Variants in CELF2 observed in about 807,000 individuals in gnomAD.
The protein encoded by CELF2 is CUG triplet repeat RNA-binding protein 2.
Under a neutral mutation model 62.6 loss-of-function variants are expected in CELF2, and 8 were observed. That is an observed-to-expected ratio of 0.13 (90% CI 0.07 to 0.23). The LOEUF is 0.23. Among genes scored for constraint, CELF2 ranks in the 10% least tolerant of loss-of-function variants. The pLI is 1.00. For missense variants in CELF2, 333 were observed against 671.0 expected (o/e 0.50, Z 5.56); for synonymous variants, 258 against 250.0 (o/e 1.03, Z -0.30).
chr10:11,127,217 C>T (rs2058855116), intron 1 of CELF2, among the ~76,000 whole-genome samples: 3 of 152,154 alleles, frequency 2.0e-5, no homozygotes, highest in African/African-American at 7.2e-5. Context: ...CTGTAAAGGA[C>T]ATGAACTCAT....
chr10:10,818,874 A>G (rs1564665139), intron 1 of CELF2, among the ~76,000 whole-genome samples: 2 of 152,162 alleles, frequency 1.3e-5, no homozygotes. Context: ...CACCATGCCC[A>G]GACAGCGTGG....
At chr10:10,818,542 T>C (rs2056684704) in intron 1 of CELF2, among the ~76,000 whole-genome samples, 1 of 131,536 alleles carries the variant, frequency 7.6e-6, no homozygotes, top group Admixed American at 9.0e-5. Flanking sequence ...GCATTAAATA[T>C]TTCCTTTTTT....
At chr10:10,771,762 A>G in the CELF2 span, among the ~76,000 whole-genome samples, 21,041 of 152,174 alleles carry the variant, frequency 0.14, 1,836 homozygotes, top group East Asian at 0.31. Context: ...AGTGGAAACT[A>G]TAAGTCCAAT....
At chr10:11,266,770 A>G (rs1249046567) in intron 6 of CELF2, 93 bp downstream of exon 6, 3 of 914,834 alleles carry the variant, frequency 3.3e-6, no homozygotes, top group Admixed American at 4.6e-5. Flanking sequence ...TCACATGACA[A>G]TCACAGATGT....
At chr10:10,474,798 A>ACT in the CELF2 span, among the ~76,000 whole-genome samples, 1 of 152,000 alleles carries the variant, frequency 6.6e-6, no homozygotes, top group Admixed American at 6.6e-5. Flanking sequence ...AGTAGACTGT[A>ACT]CTCTCTCTAC....
At chr10:10,645,269 C>T in the CELF2 span, among the ~76,000 whole-genome samples, 2 of 152,108 alleles carry the variant, frequency 1.3e-5, no homozygotes, top group African/African-American at 2.4e-5. Flanking sequence ...GGATTGTTGG[C>T]AATTCTGTAC....
intron 1 of CELF2, among the ~76,000 whole-genome samples, chr10:11,033,773 G>C (rs1327661337): frequency 3.9e-5 from 6 of 152,228 alleles, no homozygotes; most frequent in Non-Finnish European, 1.5e-5. Context: ...TGTAAATACA[G>C]TGTGAGTCAG....
chr10:11,222,998 TC>T (rs2136103620), intron 3 of CELF2, among the ~76,000 whole-genome samples: 1 of 152,304 alleles, frequency 6.6e-6, no homozygotes, highest in East Asian at 1.9e-4. Context: ...AAAGTTAAAG[TC>T]CTCCCCGTTC....
chr10:11,197,028 A>AAGGAAGGAAGGAAGGAAGGAAG (rs1565231131), intron 2 of CELF2, among the ~76,000 whole-genome samples: 3 of 20,970 alleles, frequency 1.4e-4, no homozygotes, highest in African/African-American at 1.2e-3. Context: ...AAGAAAGAAA[A>AAGGAAGGAAGGAAGGAAGGAAG]GAAAGAAAGA....
intron 1 of CELF2, among the ~76,000 whole-genome samples, chr10:11,097,663 T>G (rs1463117604): frequency 6.6e-6 from 1 of 152,214 alleles, no homozygotes; most frequent in Non-Finnish European, 1.5e-5. Flanking sequence ...TCTCTATTCT[T>G]TGTCACCAAG....
At chr10:10,486,319 G>A in the CELF2 span, among the ~76,000 whole-genome samples, 1 of 152,248 alleles carries the variant, frequency 6.6e-6, no homozygotes, top group South Asian at 2.1e-4. Context: ...ACATAGAAAG[G>A]CTTAGAAACT....
chr10:10,644,950 G>A, the CELF2 span, among the ~76,000 whole-genome samples: 7 of 152,128 alleles, frequency 4.6e-5, no homozygotes, highest in African/African-American at 1.4e-4. Context: ...ACAACTGTAC[G>A]TCAAGGCACT....
At chr10:10,696,612 C>G in the CELF2 span, among the ~76,000 whole-genome samples, 1 of 151,988 alleles carries the variant, frequency 6.6e-6, no homozygotes, top group African/African-American at 2.4e-5. Context: ...CTCGCTGCGG[C>G]CTTGCAGTTT....
intron 1 of CELF2, among the ~76,000 whole-genome samples, chr10:10,827,730 G>T (rs1047788606): frequency 9.2e-5 from 14 of 152,088 alleles, no homozygotes; most frequent in African/African-American, 3.4e-4. Context: ...TCATTGACTT[G>T]ATTTTTCTCT....
chr10:11,031,867 C>G (rs2060165714), intron 1 of CELF2, among the ~76,000 whole-genome samples: 1 of 152,130 alleles, frequency 6.6e-6, no homozygotes, highest in Non-Finnish European at 1.5e-5. Context: ...AACACTTTGT[C>G]AAAATGCTGG....
chr10:11,214,848 G>A lies in CELF2; in HGVS notation c.272-2577G>A. 6.6e-6 allele frequency among the ~76,000 whole-genome samples: 1 copy of A among 152,350 alleles called. No homozygotes were observed. Among genetic ancestry groups the A allele is most frequent in the African/African-American group, 2.4e-5 (1 of 41,586 alleles). On this transcript the variant is annotated intron_variant, in intron 2 of 12. Transcript: ENST00000633077. This position sits in a 1 kb window ranked among gnomAD's most constrained non-coding sequence, Gnocchi z 4.2. ...ATAAGTGACTGACTTCACCGTACTAGTTGTAAAGGCAGAGTGGACCTTGGA... is the reference window on the plus strand; with the variant it reads ...ATAAGTGACTGACTTCACCGTACTAATTGTAAAGGCAGAGTGGACCTTGGA...
chr10:11,310,677 A>G (rs532970824), intron 9 of CELF2, among the ~76,000 whole-genome samples: 32 of 151,964 alleles, frequency 2.1e-4, no homozygotes, highest in Non-Finnish European at 4.7e-4. Context: ...TTAACACGCT[A>G]CTTACTAGCG....
At chr10:10,724,430 C>T in the CELF2 span, among the ~76,000 whole-genome samples, 1 of 151,964 alleles carries the variant, frequency 6.6e-6, no homozygotes, top group Non-Finnish European at 1.5e-5. Context: ...CCAAAGCGGG[C>T]AGATCATGAG....
chr10:10,501,155 G>A, the CELF2 span, among the ~76,000 whole-genome samples: 1 of 152,166 alleles, frequency 6.6e-6, no homozygotes, highest in Non-Finnish European at 1.5e-5. Flanking sequence ...CAGGGTATTT[G>A]CATGTTTAGT....
Sources: allele counts gnomAD v4.1 joint callset (sites outside exome capture counted in the v4.1 genomes callset), GRCh38; gene constraint gnomAD v4.1.1; non-coding constraint Gnocchi (gnomAD v3.1); transcripts MANE v1.5; gene names NCBI Gene and HGNC (gene_info 2026-07-23, HGNC 2026-07-21).